Variants in PXYLP1 observed in about 807,000 individuals in gnomAD.
PXYLP1 encodes acid phosphatase-like 2.
A neutral mutation model predicts 37.9 loss-of-function variants in PXYLP1; 17 were observed. The observed-to-expected ratio is 0.45, with a 90% CI of 0.31 to 0.67. The LOEUF (loss-of-function observed/expected upper bound fraction) is 0.67, where lower values mean the gene tolerates loss of function less well. PXYLP1 is among the 30% of genes least tolerant of loss of function. The pLI, the probability that PXYLP1 is intolerant of heterozygous loss-of-function variation, is 0.07. For synonymous variants in PXYLP1, 221 were observed against 232.2 expected (o/e 0.95, Z 0.44); for missense variants, 511 against 612.0 (o/e 0.84, Z 1.74).
chr3:141,235,450 G>A (rs978816935), intron 1 of PXYLP1: 1 of 152,182 alleles, frequency 6.6e-6, no homozygotes, highest in Non-Finnish European at 1.5e-5. Flanking sequence ...TCCAATGGAG[G>A]AAGCTTCCAG....
chr3:141,246,942 C>A (rs1023573651), intron 1 of PXYLP1, among the ~76,000 whole-genome samples: 1 of 152,226 alleles, frequency 6.6e-6, no homozygotes, highest in Non-Finnish European at 1.5e-5. Flanking sequence ...GGCTTCCAAC[C>A]CACTACCTGT....
Position 141,244,343 on chromosome 3 carries a change from G to A in PXYLP1, c.-54+12432G>A, listed in dbSNP as rs150060281. On this transcript the variant is annotated intron_variant, in intron 1 of 5. Coordinates refer to ENST00000286353, the MANE Select transcript of PXYLP1 (RefSeq NM_001037172.3). ...TGTCTTTTTGACTTAACAATATAAC[G>A]TTTCCCTCTGTCATTACTCACCTTT... Among the ~76,000 whole-genome samples the A allele has an allele frequency of 5.4e-3, 810 of 149,384 alleles. 4 individuals carry two copies. Among genetic ancestry groups the A allele is most frequent in the African/African-American group, 0.02 (786 of 39,624 alleles).
At chr3:141,245,419 A>G (rs1940912907) in intron 1 of PXYLP1, among the ~76,000 whole-genome samples, 1 of 152,184 alleles carries the variant, frequency 6.6e-6, no homozygotes, top group Non-Finnish European at 1.5e-5. Context: ...TTCCAAACAT[A>G]TGCATAACTA....
At chr3:141,251,418 C>T (rs1191500076) in intron 1 of PXYLP1, among the ~76,000 whole-genome samples, 2 of 152,192 alleles carry the variant, frequency 1.3e-5, no homozygotes, top group Non-Finnish European at 2.9e-5. Flanking sequence ...GGCCATATTA[C>T]GTCCAATCAC....
chr3:141,292,701 T>C lies in PXYLP1; in HGVS notation c.939T>C (p.Asn313=), dbSNP rs1322805419. 1 of 1,614,074 alleles carries C rather than the reference T, an allele frequency of 6.2e-7. No homozygotes were observed. Among genetic ancestry groups the C allele is most frequent in the Admixed American group, 1.7e-5 (1 of 60,018 alleles). The change falls in exon 6 of 6, where the codon AAT becomes AAC. Residue 313 remains asparagine, a synonymous_variant. Transcript: ENST00000286353. This position sits in a 1 kb window ranked among gnomAD's most constrained non-coding sequence, Gnocchi z 4.3. Reference sequence around the variant, plus strand: ...ATGTCAGCTTTCCCTGTACCAGAAATGGCTGTGTTGACATGGAGCACTTCA... The same window carrying C: ...ATGTCAGCTTTCCCTGTACCAGAAACGGCTGTGTTGACATGGAGCACTTCA... ...CHNVSFPCTR[N]GCVDMEHFKV... is the part of the protein sequence containing the mutation.
At chr3:141,246,638 A>G (rs1282056143) in intron 1 of PXYLP1, among the ~76,000 whole-genome samples, 2 of 151,774 alleles carry the variant, frequency 1.3e-5, no homozygotes, top group African/African-American at 2.4e-5. Flanking sequence ...ACATTCATTC[A>G]CTCTCTCAAC....
chr3:141,249,916 CT>C (rs1941102741), intron 1 of PXYLP1, among the ~76,000 whole-genome samples: 1 of 151,914 alleles, frequency 6.6e-6, no homozygotes, highest in Non-Finnish European at 1.5e-5. Context: ...TGTTCTGGCC[CT>C]GAGAAATGAT....
intron 4 of PXYLP1, 44 bp from the exon 5 acceptor site, chr3:141,287,270 T>C: frequency 6.3e-7 from 1 of 1,599,508 alleles, no homozygotes; most frequent in Non-Finnish European, 8.5e-7. Flanking sequence ...GTTTGGATTC[T>C]TGTGGAGCAC....
At chr3:141,273,509 G>C in intron 2 of PXYLP1, 1 of 985,486 alleles carries the variant, frequency 1.0e-6, no homozygotes, top group South Asian at 4.7e-5. Context: ...GAGATGGGGT[G>C]GGGAAGGGTG....
At chr3:141,280,010 T>A (rs769026624) in intron 4 of PXYLP1, among the ~76,000 whole-genome samples, 1 of 152,226 alleles carries the variant, frequency 6.6e-6, no homozygotes, top group Non-Finnish European at 1.5e-5. Flanking sequence ...CCCTTCTAAT[T>A]TTTCACTGGA....
At chr3:141,246,028 G>T (rs1392030871) in intron 1 of PXYLP1, among the ~76,000 whole-genome samples, 1 of 152,196 alleles carries the variant, frequency 6.6e-6, no homozygotes, top group Non-Finnish European at 1.5e-5. Context: ...TTCTTCCCCC[G>T]ACTGACCGAC....
intron 1 of PXYLP1, among the ~76,000 whole-genome samples, chr3:141,252,074 G>A (rs751786837): frequency 3.3e-5 from 5 of 152,150 alleles, no homozygotes; most frequent in African/African-American, 7.2e-5. Flanking sequence ...TCATTATCAC[G>A]TAGAGCAGGG....
intron 5 of PXYLP1, 69 bp downstream of exon 5, chr3:141,287,522 T>C: frequency 6.4e-7 from 1 of 1,560,194 alleles, no homozygotes; most frequent in South Asian, 1.2e-5. Flanking sequence ...TTCCGAGCAG[T>C]TCTCCTGGGC....
At chr3:141,271,592 A>T (rs929335132) in intron 2 of PXYLP1, among the ~76,000 whole-genome samples, 1 of 152,102 alleles carries the variant, frequency 6.6e-6, no homozygotes, top group Non-Finnish European at 1.5e-5. Flanking sequence ...TCATGCTCAC[A>T]TTTCCCGGGA....
chr3:141,265,716 A>G (rs1941492885), intron 2 of PXYLP1, among the ~76,000 whole-genome samples: 1 of 152,174 alleles, frequency 6.6e-6, no homozygotes, highest in Non-Finnish European at 1.5e-5. Flanking sequence ...TTCAGTAGAC[A>G]CTTCATTCAT....
intron 2 of PXYLP1, among the ~76,000 whole-genome samples, chr3:141,266,711 G>A (rs1363197917): frequency 2.1e-5 from 3 of 142,976 alleles, no homozygotes; most frequent in African/African-American, 5.1e-5. Flanking sequence ...AGGGAGAGAC[G>A]GCGGGGGGAG....
At chr3:141,247,462 A>C (rs1307135079) in intron 1 of PXYLP1, among the ~76,000 whole-genome samples, 1 of 152,210 alleles carries the variant, frequency 6.6e-6, no homozygotes, top group East Asian at 1.9e-4. Context: ...AGTGTCCTCT[A>C]GGATTACTTG....
intron 1 of PXYLP1, among the ~76,000 whole-genome samples, chr3:141,242,739 A>T (rs1348463617): frequency 6.6e-6 from 1 of 152,146 alleles, no homozygotes; most frequent in African/African-American, 2.4e-5. Flanking sequence ...TGCTGCAGGG[A>T]ATGCAAATAA....
rs1942102454 is a variant in PXYLP1, at chr3:141,287,401, G to T, written c.453G>T (p.Leu151Phe). The T allele has an allele frequency of 6.2e-7, 1 of 1,614,098 alleles. No individual in the cohort carries two copies. The highest frequency in any genetic ancestry group is 1.3e-5 in the African/African-American group (1 of 74,996). ...GASFESPLNS[L>F]PLYPNHPLCE... ...CTTTCGAAAGCCCCTTGAACTCCTT[G>T]CCTCTTTACCCAAATCACCCATTGT... Residue 151 changes from leucine to phenylalanine, a missense_variant, in exon 5 of 6, where the codon TTG becomes TTT. Coordinates refer to ENST00000286353, the MANE Select transcript of PXYLP1 (RefSeq NM_001037172.3).
Sources: allele counts gnomAD v4.1 joint callset (sites outside exome capture counted in the v4.1 genomes callset), GRCh38; gene constraint gnomAD v4.1.1; non-coding constraint Gnocchi (gnomAD v3.1); transcripts MANE v1.5; gene names NCBI Gene and HGNC (gene_info 2026-07-23, HGNC 2026-07-21).